Variants in FHIP2A observed in about 807,000 individuals in gnomAD.
The protein encoded by FHIP2A is FHF complex subunit HOOK interacting protein 2A, also known as family with sequence similarity 160 member B1.
In FHIP2A, 46 loss-of-function variants were observed where a neutral mutation model predicts 93.5. The observed-to-expected ratio is 0.49, with a 90% confidence interval of 0.39 to 0.63. FHIP2A has a LOEUF of 0.63. Among genes scored for constraint, FHIP2A ranks in the 20% least tolerant of loss-of-function variants. FHIP2A has a pLI of 0.00. For missense variants in FHIP2A, 769 were observed against 909.7 expected, an observed-to-expected ratio of 0.85 and a Z score of 1.99; for synonymous variants, 332 against 326.5, an observed-to-expected ratio of 1.02 and a Z score of -0.18.
In FHIP2A at chr10:114,863,451, A is replaced by G. The variant is rs1281091054; in HGVS notation, c.*1911A>G. ...ATACTCTTTTATCCTTGATTCCACT[A>G]TGGGACCTTATAACTAGTCCATGAA... On this transcript the variant is annotated 3_prime_UTR_variant, in exon 17 of 17. Coordinates refer to ENST00000369248, the MANE Select transcript of FHIP2A (RefSeq NM_020940.4). The G allele has an allele frequency of 2.1e-5, 23 of 1,106,732 alleles. No individual in the cohort carries two copies. The South Asian group carries it at 4.1e-4, about 20-fold the overall frequency. 68.6% of individuals were successfully genotyped at this position (1,106,732 alleles called of 1,614,324 possible).
chr10:114,845,486 GTAA>G lies in FHIP2A; in HGVS notation c.1128+7_1128+9del. 6.4e-7 allele frequency: 1 copy of G among 1,553,300 alleles called. No homozygotes were observed. The highest frequency in any genetic ancestry group is 8.8e-7 in the Non-Finnish European group (1 of 1,132,800). On this transcript the variant is annotated splice_donor_region_variant and intron_variant, in intron 8 of 16. Coordinates refer to ENST00000369248, the MANE Select transcript of FHIP2A (RefSeq NM_020940.4). ...CTCATTAAGGAAGCCCAAAAGGTTT[GTAA>G]TTTTTTATTGTTTTTTGATCATTTT...
chr10:114,830,605 A>G lies in FHIP2A; in HGVS notation c.46-247A>G, dbSNP rs537695950. Reference sequence around the variant, plus strand: ...ACTTTTAAAAAAGTGTCAGGGGAGGAAAAAAAAGCTTGATACTGTAGTTTA... The same window carrying G: ...ACTTTTAAAAAAGTGTCAGGGGAGGGAAAAAAAGCTTGATACTGTAGTTTA... On this transcript the variant is annotated intron_variant, in intron 1 of 16. Transcript: ENST00000369248. 9.2e-5 allele frequency among the ~76,000 whole-genome samples: 14 copies of G among 151,996 alleles called. No homozygotes were observed. The East Asian group carries it at 2.1e-3, about 23-fold the overall frequency.
intron 1 of FHIP2A, among the ~76,000 whole-genome samples, chr10:114,825,957 G>A (rs996733137): frequency 2.6e-5 from 4 of 152,214 alleles, no homozygotes; most frequent in African/African-American, 9.6e-5. Context: ...CTTTCAGAAT[G>A]TAAGTGCAAT....
At position 114,864,302 on chromosome 10, in the gene FHIP2A, A is replaced by G; in HGVS notation, c.*2762A>G. On this transcript the variant is annotated 3_prime_UTR_variant, in exon 17 of 17. Coordinates refer to ENST00000369248, the MANE Select transcript of FHIP2A (RefSeq NM_020940.4). ...AATTATGAAGTCCATCAGTATTGAC[A>G]GAAGACGTTACAGTGAAGTGCTAAA... is the stretch of plus-strand genomic sequence containing the variant. 1 of 985,228 alleles carries G rather than the reference A, an allele frequency of 1.0e-6. No individual in the cohort carries two copies. Among genetic ancestry groups the G allele is most frequent in the Non-Finnish European group, 1.2e-6 (1 of 829,308 alleles). The allele number at this position is 985,228 out of a possible 1,614,324, so 61.0% of individuals were successfully genotyped here.
chr10:114,848,403 A>T (rs1408383213), intron 12 of FHIP2A, among the ~76,000 whole-genome samples: 2 of 152,234 alleles, frequency 1.3e-5, no homozygotes, highest in Non-Finnish European at 2.9e-5. Context: ...CCTTTAAAAT[A>T]ATGAGAATAT....
At chr10:114,825,851 G>T (rs1269997798) in intron 1 of FHIP2A, among the ~76,000 whole-genome samples, 7 of 152,244 alleles carry the variant, frequency 4.6e-5, no homozygotes, top group Non-Finnish European at 7.3e-5. Context: ...ATTCCAACCA[G>T]TTCCACCCTT....
intron 1 of FHIP2A, among the ~76,000 whole-genome samples, chr10:114,827,900 G>A (rs1458412792): frequency 2.0e-5 from 3 of 151,978 alleles, no homozygotes; most frequent in African/African-American, 7.2e-5. Flanking sequence ...CTAGTTAAGG[G>A]TTTCATGTCA....
In FHIP2A at chr10:114,864,049, T is replaced by C. The variant is rs541739157; in HGVS notation, c.*2509T>C. 2 of 992,052 alleles carry C rather than the reference T, an allele frequency of 2.0e-6. No individual in the cohort carries two copies. Among genetic ancestry groups the C allele is most frequent in the South Asian group, 9.1e-5 (2 of 21,984 alleles). 61.5% of individuals were successfully genotyped at this position (992,052 alleles called of 1,614,324 possible). On this transcript the variant is annotated 3_prime_UTR_variant, in exon 17 of 17. Coordinates refer to ENST00000369248, the MANE Select transcript of FHIP2A (RefSeq NM_020940.4). ...TCTCGTAATGTATCTGTTTGTGCAA[T>C]ATGGAAGCTGTGAGTGGATTCATAG...
intron 16 of FHIP2A, among the ~76,000 whole-genome samples, chr10:114,885,993 C>T (rs1414662756): frequency 6.6e-6 from 1 of 152,152 alleles, no homozygotes; most frequent in African/African-American, 2.4e-5. Context: ...AAAGCGGCTT[C>T]TCAGGTGGAA....
Position 114,864,652 on chromosome 10 carries a change from G to A in FHIP2A, c.*3112G>A, listed in dbSNP as rs2143013623. 7 of 985,584 alleles carry A rather than the reference G, an allele frequency of 7.1e-6. No homozygotes were observed. Among genetic ancestry groups the A allele is most frequent in the Non-Finnish European group, 8.4e-6 (7 of 829,844 alleles). 61.1% of individuals were successfully genotyped at this position (985,584 alleles called of 1,614,324 possible). On this transcript the variant is annotated 3_prime_UTR_variant, in exon 17 of 17. Transcript: ENST00000369248. ...AAGTTGTGATCAAGTTCAACTTTTT[G>A]TGCTAACAATGCATGCAGGACTAAG...
chr10:114,896,432 G>C (rs1260637912), intron 16 of FHIP2A, among the ~76,000 whole-genome samples: 1 of 152,118 alleles, frequency 6.6e-6, no homozygotes, highest in Non-Finnish European at 1.5e-5. Context: ...TCATGTGAAA[G>C]GAAAATATCT....
rs397845509 is a variant in FHIP2A, at chr10:114,841,292, G to GTTT, written c.523-1625_523-1623dup. ...TCATAAAGAGTATGATATGCCATTG[G>GTTT]TTTTTTTTTTTTTTTTTTGAGGTGG... On this transcript the variant is annotated intron_variant, in intron 5 of 16. Coordinates refer to ENST00000369248, the MANE Select transcript of FHIP2A (RefSeq NM_020940.4). 9.5e-3 allele frequency among the ~76,000 whole-genome samples: 1,189 copies of GTTT among 124,986 alleles called. 31 individuals are homozygous for GTTT. Among genetic ancestry groups the GTTT allele is most frequent in the Non-Finnish European group, 0.014 (848 of 61,874 alleles). The allele number at this position is 124,986 out of a possible 152,430, so 82.0% of individuals were successfully genotyped here.
intron 1 of FHIP2A, among the ~76,000 whole-genome samples, chr10:114,825,815 A>G (rs2083572468): frequency 6.6e-6 from 1 of 152,252 alleles, no homozygotes; most frequent in Non-Finnish European, 1.5e-5. Flanking sequence ...TCACTAGGGA[A>G]TGTGCCAAGG....
chr10:114,856,235 T>C (rs2083765908), intron 14 of FHIP2A, among the ~76,000 whole-genome samples: 1 of 152,218 alleles, frequency 6.6e-6, no homozygotes, highest in Admixed American at 6.5e-5. Context: ...TATTTCACTA[T>C]GTTAGAGTTT....
At chr10:114,866,328 G>A (rs192751273), downstream of FHIP2A, among the ~76,000 whole-genome samples, 3 of 152,136 alleles carry the variant, frequency 2.0e-5, no homozygotes, top group East Asian at 1.9e-4. Flanking sequence ...AGTATTCCAC[G>A]GTGTATATAC....
intron 13 of FHIP2A, among the ~76,000 whole-genome samples, chr10:114,850,165 T>A (rs2083726299): frequency 6.6e-6 from 1 of 152,190 alleles, no homozygotes; most frequent in Non-Finnish European, 1.5e-5. Flanking sequence ...TATATTTAAC[T>A]TTTTTGAGGA....
chr10:114,894,395 CAAAAAAA>C (rs3086069), intron 16 of FHIP2A, among the ~76,000 whole-genome samples: 24 of 109,250 alleles, frequency 2.2e-4, no homozygotes, highest in South Asian at 1.8e-3. Context: ...CCCATCTCTA[CAAAAAAA>C]AAAAAAAAAA....
chr10:114,863,251 A>T lies in FHIP2A; in HGVS notation c.*1711A>T. ...GATGTGAAGGCATTCAGTTTGCTGT[A>T]TTTTTTTAATCACTTCATACAAGGA... On this transcript the variant is annotated 3_prime_UTR_variant, in exon 17 of 17. Transcript: ENST00000369248. The T allele has an allele frequency of 5.1e-6, 5 of 981,452 alleles. No homozygotes were observed. Among genetic ancestry groups the T allele is most frequent in the East Asian group, 1.1e-4 (1 of 8,814 alleles). The allele number at this position is 981,452 out of a possible 1,614,324, so 60.8% of individuals were successfully genotyped here.
At chr10:114,837,655 T>G (rs2083643853) in intron 5 of FHIP2A, among the ~76,000 whole-genome samples, 1 of 152,256 alleles carries the variant, frequency 6.6e-6, no homozygotes, top group Non-Finnish European at 1.5e-5. Context: ...ACAATCAAGA[T>G]GTGCAACAGC....
Sources: allele counts gnomAD v4.1 joint callset (sites outside exome capture counted in the v4.1 genomes callset), GRCh38; gene constraint gnomAD v4.1.1; transcripts MANE v1.5; gene names NCBI Gene and HGNC (gene_info 2026-07-23, HGNC 2026-07-21).